Variants in WWOX observed in about 807,000 individuals in gnomAD.
The protein encoded by WWOX is WW domain-containing oxidoreductase.
Under a neutral mutation model 46.2 loss-of-function variants are expected in WWOX, and 69 were observed. The observed-to-expected ratio is 1.49, with a 90% confidence interval of 1.23 to 1.82. The LOEUF is 1.82. Ranked by LOEUF, WWOX falls within the 40% of genes most tolerant of loss-of-function variation. WWOX has a pLI of 0.00. For missense variants in WWOX, 919 were observed against 542.6 expected, an observed-to-expected ratio of 1.69 and a Z score of -6.89; for synonymous variants, 359 against 202.6, an observed-to-expected ratio of 1.77 and a Z score of -6.56.
At chr16:78,532,933 A>T (rs2043657993) in intron 8 of WWOX, among the ~76,000 whole-genome samples, 1 of 152,206 alleles carries the variant, frequency 6.6e-6, no homozygotes. Context: ...AAAGGAAACC[A>T]CCAAGGGACC....
chr16:78,765,124 T>G (rs555149801), intron 8 of WWOX, among the ~76,000 whole-genome samples: 2 of 152,070 alleles, frequency 1.3e-5, no homozygotes, highest in South Asian at 4.2e-4. Flanking sequence ...TGTGGTAGGG[T>G]GATGGTCCTT....
At chr16:78,740,739 C>T (rs1261450798) in intron 8 of WWOX, among the ~76,000 whole-genome samples, 2 of 152,162 alleles carry the variant, frequency 1.3e-5, no homozygotes, top group Non-Finnish European at 2.9e-5. Context: ...CAATTTGACA[C>T]ACCAAATGCA....
chr16:79,130,455 A>G (rs2049853392), intron 8 of WWOX, among the ~76,000 whole-genome samples: 1 of 152,148 alleles, frequency 6.6e-6, no homozygotes, highest in Admixed American at 6.5e-5. Context: ...TTCTACGTAA[A>G]AACAGGGTTA....
intron 5 of WWOX, among the ~76,000 whole-genome samples, chr16:78,244,469 C>T (rs2037755828): frequency 6.6e-6 from 1 of 152,214 alleles, no homozygotes; most frequent in African/African-American, 2.4e-5. Flanking sequence ...TAGGATTCCA[C>T]CTTCAGCCCT....
chr16:79,056,756 T>C (rs1314663773), intron 8 of WWOX, among the ~76,000 whole-genome samples: 1 of 152,202 alleles, frequency 6.6e-6, no homozygotes, highest in African/African-American at 2.4e-5. Context: ...CAAGAAGTTT[T>C]TCTTGCTAAG....
chr16:78,674,650 C>A (rs2047548742), intron 8 of WWOX, among the ~76,000 whole-genome samples: 1 of 152,116 alleles, frequency 6.6e-6, no homozygotes, highest in African/African-American at 2.4e-5. Context: ...TGGCCACCTG[C>A]CTTTATCTCC....
At chr16:78,534,581 A>G (rs1015662101) in intron 8 of WWOX, 1 of 152,204 alleles carries the variant, frequency 6.6e-6, no homozygotes, top group African/African-American at 2.4e-5. Flanking sequence ...GAAATCTTGG[A>G]AGGTGAAATA....
At chr16:78,766,968 C>T (rs1321255547) in intron 8 of WWOX, among the ~76,000 whole-genome samples, 3 of 152,112 alleles carry the variant, frequency 2.0e-5, no homozygotes, top group African/African-American at 2.4e-5. Flanking sequence ...TCTCTGGTAA[C>T]CCCTACTTTA....
At chr16:78,804,327 C>G (rs936735500) in intron 8 of WWOX, among the ~76,000 whole-genome samples, 1 of 151,668 alleles carries the variant, frequency 6.6e-6, no homozygotes, top group South Asian at 2.1e-4. Flanking sequence ...AAACTCATTA[C>G]AAGCTGTTTA....
intron 8 of WWOX, among the ~76,000 whole-genome samples, chr16:79,201,915 C>T (rs1476967053): frequency 6.6e-6 from 1 of 152,168 alleles, no homozygotes. Context: ...GAAGAATTTT[C>T]ATTTGATCAA....
rs564685061 is a variant in WWOX, at chr16:79,004,585, T to C, written c.1057-207023T>C. 8.5e-5 allele frequency: 13 copies of C among 152,406 alleles called. No individual in the cohort carries two copies. In the East Asian group the frequency reaches 2.5e-3, roughly 29 times the overall value. 9.4% of individuals were successfully genotyped at this position (152,406 alleles called of 1,614,324 possible). ...ATTGCGATCCCTTCAGGCCTCTGGC[T>C]TGCAGGTTCCTGTTCAACCCTCTTA... is the stretch of plus-strand genomic sequence containing the variant. On this transcript the variant is annotated intron_variant, in intron 8 of 8. Transcript: ENST00000566780.
At chr16:79,015,187 C>T (rs2047388611) in intron 8 of WWOX, among the ~76,000 whole-genome samples, 1 of 152,112 alleles carries the variant, frequency 6.6e-6, no homozygotes, top group Non-Finnish European at 1.5e-5. Context: ...TAGGTATGGT[C>T]TTAGGCCCTG....
chr16:79,001,296 A>G (rs144673085), intron 8 of WWOX, among the ~76,000 whole-genome samples: 19 of 152,006 alleles, frequency 1.2e-4, no homozygotes, highest in East Asian at 3.9e-4. Flanking sequence ...CCAGCACACA[A>G]TCAGCTGCTC....
intron 6 of WWOX, among the ~76,000 whole-genome samples, chr16:78,403,418 A>G (rs1018756868): frequency 3.3e-5 from 5 of 152,258 alleles, no homozygotes; most frequent in African/African-American, 1.2e-4. Flanking sequence ...TTATGCATCC[A>G]TGATACTGCA....
intron 8 of WWOX, among the ~76,000 whole-genome samples, chr16:78,546,139 T>C (rs2667647): frequency 0.66 from 100,703 of 152,072 alleles, 35,340 homozygotes; most frequent in East Asian, 0.81. Context: ...TAAAGAAATT[T>C]ACATAATTAA....
chr16:78,428,391 G>C (rs1220759078), intron 7 of WWOX, among the ~76,000 whole-genome samples: 1 of 152,206 alleles, frequency 6.6e-6, no homozygotes, highest in Non-Finnish European at 1.5e-5. Flanking sequence ...CTGGAGGACT[G>C]TCAGTGCTAG....
intron 5 of WWOX, among the ~76,000 whole-genome samples, chr16:78,254,817 C>T (rs1005965744): frequency 6.6e-6 from 1 of 152,196 alleles, no homozygotes; most frequent in Non-Finnish European, 1.5e-5. Context: ...GTGTGAACCA[C>T]CACATCTGGC....
intron 8 of WWOX, among the ~76,000 whole-genome samples, chr16:78,471,628 A>C (rs2084223782): frequency 6.6e-6 from 1 of 152,178 alleles, no homozygotes; most frequent in African/African-American, 2.4e-5. Context: ...GTGACTTTGT[A>C]CTGAGACACA....
At chr16:78,578,720 A>G (rs932748634) in intron 8 of WWOX, among the ~76,000 whole-genome samples, 3 of 152,202 alleles carry the variant, frequency 2.0e-5, no homozygotes, top group East Asian at 1.9e-4. Context: ...AAAAAGATCA[A>G]TATGATGCAT....
Sources: allele counts gnomAD v4.1 joint callset (sites outside exome capture counted in the v4.1 genomes callset), GRCh38; gene constraint gnomAD v4.1.1; transcripts MANE v1.5; gene names NCBI Gene and HGNC (gene_info 2026-07-23, HGNC 2026-07-21).